The following OLFML2A variants were observed in gnomAD, a reference collection of about 807,000 sequenced individuals.
The protein encoded by OLFML2A is olfactomedin like 2A, also known as olfactomedin-like protein 2A.
In OLFML2A, 47 loss-of-function variants were observed where a neutral mutation model predicts 60.9. The observed-to-expected ratio is 0.77, with a 90% CI of 0.61 to 0.98. The LOEUF (loss-of-function observed/expected upper bound fraction) is 0.98, where lower values mean the gene tolerates loss of function less well. OLFML2A is among the 50% of genes least tolerant of loss of function. The pLI is 0.00. For synonymous variants in OLFML2A, 372 were observed against 375.0 expected (o/e 0.99, Z 0.09); for missense variants, 922 against 879.8 (o/e 1.05, Z -0.61).
At chr9:124,785,490 C>T (rs549739631) in intron 1 of OLFML2A, among the ~76,000 whole-genome samples, 25 of 149,894 alleles carry the variant, frequency 1.7e-4, no homozygotes, top group African/African-American at 5.9e-4. Context: ...CTCTGCCTCC[C>T]GGGTTCATGC....
chr9:124,791,821 A>G (rs1190297964), intron 2 of OLFML2A, among the ~76,000 whole-genome samples: 6 of 152,178 alleles, frequency 3.9e-5, no homozygotes, highest in Non-Finnish European at 5.9e-5. Flanking sequence ...TGTGAGAGTC[A>G]ACAGATATAA....
chr9:124,778,111 G>T (rs1055908396), intron 1 of OLFML2A, among the ~76,000 whole-genome samples: 1 of 152,116 alleles, frequency 6.6e-6, no homozygotes, highest in African/African-American at 2.4e-5. Flanking sequence ...TGTAATCCCA[G>T]CACTTTGGGA....
Position 124,809,940 on chromosome 9 carries a change from T to C in OLFML2A, c.1487T>C (p.Val496Ala). Residue 496 changes from valine (V) to alanine (A), a missense_variant, in exon 8 of 8, where the codon GTG (valine) becomes GCG (alanine). Val to Ala is a moderately conservative substitution (Grantham distance 64). Coordinates refer to ENST00000373580, the MANE Select transcript of OLFML2A (RefSeq NM_182487.4). The part of the protein sequence containing the change: ...IIKYDLRQRF[V>A]ASWALLPDVV... The stretch of plus-strand genomic sequence containing the variant: ...AAGTACGACCTACGGCAGCGCTTCG[T>C]GGCCTCCTGGGCGCTGCTGCCCGAC... The C allele has an allele frequency of 6.2e-7, 1 of 1,614,194 alleles. No homozygotes were observed. The highest frequency in any genetic ancestry group is 8.5e-7 in the Non-Finnish European group (1 of 1,180,032).
At chr9:124,796,583 T>A (rs1448647772) in intron 3 of OLFML2A, among the ~76,000 whole-genome samples, 1 of 152,236 alleles carries the variant, frequency 6.6e-6, no homozygotes, top group Admixed American at 6.5e-5. Context: ...ATGGAAAAAT[T>A]AAAAGCAAAA....
chr9:124,782,746 C>T (rs1307018241), intron 1 of OLFML2A, among the ~76,000 whole-genome samples: 2 of 152,204 alleles, frequency 1.3e-5, no homozygotes, highest in African/African-American at 4.8e-5. Flanking sequence ...TGGCCGCCCC[C>T]ATCAGGAGGT....
chr9:124,795,760 G>A (rs545304814), intron 3 of OLFML2A, among the ~76,000 whole-genome samples: 2 of 152,300 alleles, frequency 1.3e-5, no homozygotes, highest in African/African-American at 2.4e-5. Flanking sequence ...GAGCAAGACT[G>A]TCTCAAAATA....
chr9:124,784,099 T>C (rs1841412670), intron 1 of OLFML2A, among the ~76,000 whole-genome samples: 2 of 152,010 alleles, frequency 1.3e-5, no homozygotes, highest in South Asian at 4.2e-4. Context: ...AAGGAGCGGT[T>C]CAAGGGAGAG....
intron 2 of OLFML2A, among the ~76,000 whole-genome samples, chr9:124,791,737 CAAA>C (rs10553820): frequency 2.5e-4 from 19 of 74,874 alleles, no homozygotes; most frequent in African/African-American, 8.7e-4. Flanking sequence ...GACTCTGTCT[CAAA>C]AAAAAAAAAA....
intron 2 of OLFML2A, 42 bp downstream of exon 2, chr9:124,787,280 G>A (rs766940532): frequency 6.3e-7 from 1 of 1,582,026 alleles, no homozygotes; most frequent in Non-Finnish European, 8.7e-7. Context: ...GGCCTATCAT[G>A]AGCTGGAGCC....
rs1841275860 is a variant in OLFML2A at position 124,777,338 on chromosome 9, G to A, written c.68G>A (p.Arg23His). The A allele has an allele frequency of 7.8e-7, 1 of 1,289,448 alleles. No individual in the cohort carries two copies. The highest frequency in any genetic ancestry group is 9.9e-7 in the Non-Finnish European group (1 of 1,013,610). 79.9% of individuals were successfully genotyped at this position (1,289,448 alleles called of 1,614,324 possible). A position where few individuals can be genotyped will look rare whatever the true frequency, so the allele number is the denominator to read the frequency against. Residue 23 changes from arginine (R) to histidine (H), a missense_variant, in exon 1 of 8, where the codon CGC becomes CAC. By Grantham distance (29) the Arg-to-His change is conservative (BLOSUM62 0). Transcript: ENST00000373580. The surrounding 1 kb of genome is among the most constrained non-coding windows in gnomAD (Gnocchi z 6.2). The stretch of plus-strand genomic sequence containing the variant: ...CCGCTAGTGCTGCTGCTGAGCGGCC[G>A]CCCCACGCGCGCCGACAGTAAGGTA... ...LLPLVLLLSG[R>H]PTRADSKVFG...
intron 2 of OLFML2A, among the ~76,000 whole-genome samples, chr9:124,787,747 C>G (rs1841504062): frequency 1.3e-5 from 2 of 151,512 alleles, no homozygotes; most frequent in South Asian, 4.2e-4. Flanking sequence ...TTAGTAGATA[C>G]AGGGTTTCAC....
chr9:124,784,713 G>A (rs1841424964), intron 1 of OLFML2A, among the ~76,000 whole-genome samples: 1 of 151,976 alleles, frequency 6.6e-6, no homozygotes, highest in Non-Finnish European at 1.5e-5. Flanking sequence ...CATCCCAAAA[G>A]GAAACCCCAT....
At position 124,810,098 on chromosome 9, in the gene OLFML2A, G is replaced by A. The variant is rs773225362; in HGVS notation, c.1645G>A (p.Val549Ile). 5.0e-6 allele frequency: 8 copies of A among 1,613,668 alleles called. No individual in the cohort carries two copies. The highest frequency in any genetic ancestry group is 6.8e-6 in the Non-Finnish European group (8 of 1,180,022). ...CGATGAGGCCCAGCCCGAGGTGATCGTCCTGAGTCGCTTGGACCCCGGCGA... is the reference window on the plus strand; with the variant it reads ...CGATGAGGCCCAGCCCGAGGTGATCATCCTGAGTCGCTTGGACCCCGGCGA... ...DRDEAQPEVI[V>I]LSRLDPGDLS... Residue 549 changes from valine (V) to isoleucine (I), a missense_variant, in exon 8 of 8, where the codon GTC (valine) becomes ATC (isoleucine). By Grantham distance (29) the Val-to-Ile change is conservative. Coordinates refer to ENST00000373580, the MANE Select transcript of OLFML2A (RefSeq NM_182487.4).
At chr9:124,796,794 A>G (rs1841678552) in intron 3 of OLFML2A, among the ~76,000 whole-genome samples, 1 of 152,180 alleles carries the variant, frequency 6.6e-6, no homozygotes, top group Non-Finnish European at 1.5e-5. Flanking sequence ...ATAGCTGGAG[A>G]CATTTTTGGT....
intron 5 of OLFML2A, among the ~76,000 whole-genome samples, chr9:124,803,231 G>A (rs959659293): frequency 6.6e-6 from 1 of 151,864 alleles, no homozygotes; most frequent in Non-Finnish European, 1.5e-5. Context: ...GTGTAAAAGT[G>A]TTTCCCTAAA....
intron 1 of OLFML2A, among the ~76,000 whole-genome samples, chr9:124,781,733 G>A (rs1419548981): frequency 6.6e-6 from 1 of 151,562 alleles, no homozygotes; most frequent in Non-Finnish European, 1.5e-5. Flanking sequence ...GGCAGAGGTT[G>A]CAGTGAGCCA....
intron 6 of OLFML2A, 111 bp from the exon 7 acceptor site, chr9:124,807,670 C>T: frequency 2.4e-6 from 2 of 820,400 alleles, no homozygotes; most frequent in Non-Finnish European, 3.6e-6. Context: ...AGGCCACAAA[C>T]AAAATTTCAG....
At chr9:124,800,748 C>T (rs191194730) in intron 4 of OLFML2A, 4 of 1,000,200 alleles carry the variant, frequency 4.0e-6, no homozygotes, top group Admixed American at 3.6e-5. Context: ...ACTGTACTTG[C>T]CGTATCTGCT....
rs1187598754 is a variant in OLFML2A, at chr9:124,787,084, G to C, written c.200G>C (p.Gly67Ala). The C allele has an allele frequency of 6.2e-7, 1 of 1,614,022 alleles. No homozygotes were observed. The highest frequency in any genetic ancestry group is 8.5e-7 in the Non-Finnish European group (1 of 1,180,046). The change falls in exon 2 of 8, where the codon GGG (glycine) becomes GCG (alanine). Residue 67 changes from glycine (G) to alanine (A), a missense_variant. Coordinates refer to ENST00000373580, the MANE Select transcript of OLFML2A (RefSeq NM_182487.4). Reference sequence around the variant, plus strand: ...GACGCGTGTAGCCGAGTGCGCAGTGGGCGGGCACGCGTGGAGGACTTCTAC... The same window carrying C: ...GACGCGTGTAGCCGAGTGCGCAGTGCGCGGGCACGCGTGGAGGACTTCTAC... ...SKDACSRVRSGRARVEDFYTV... is the reference protein window; with the variant it reads ...SKDACSRVRSARARVEDFYTV...
Sources: gnomAD v4.1 joint callset for allele counts (sites outside exome capture counted in the v4.1 genomes callset) on GRCh38, gnomAD v4.1.1 for gene constraint, Gnocchi (gnomAD v3.1) non-coding constraint, MANE v1.5 for transcripts, NCBI Gene and HGNC (gene_info 2026-07-23, HGNC 2026-07-21) for gene names.